LRRC63: variants seen among roughly 807,000 people sequenced by gnomAD.
The protein encoded by LRRC63 is leucine-rich repeat-containing protein 63.
In LRRC63, 40 loss-of-function variants were observed where a neutral mutation model predicts 49.5. The observed-to-expected ratio is 0.81, with a 90% CI of 0.63 to 1.05. LRRC63 has a LOEUF of 1.05. Among genes scored for constraint, LRRC63 ranks in the 50% least tolerant of loss-of-function variants. The probability of loss-of-function intolerance (pLI) is 0.00; values close to 1 mark genes in which losing one functional copy is unlikely to be tolerated. For synonymous variants in LRRC63, 191 were observed against 221.1 expected (o/e 0.86, Z 1.21); for missense variants, 636 against 663.1 (o/e 0.96, Z 0.45).
chr13:46,249,099 T>C (rs1197109922), intron 6 of LRRC63, among the ~76,000 whole-genome samples: 1 of 151,562 alleles, frequency 6.6e-6, no homozygotes, highest in African/African-American at 2.4e-5. Flanking sequence ...TAAATGAAAA[T>C]GAAAACACAA....
chr13:46,268,716 G>A (rs566741593), intron 9 of LRRC63, among the ~76,000 whole-genome samples: 5 of 151,690 alleles, frequency 3.3e-5, no homozygotes, highest in Admixed American at 3.3e-4. Context: ...AAGTTGCAAA[G>A]GATGTACATC....
At position 46,255,305 on chromosome 13, in the gene LRRC63, A is replaced by G. The variant is rs140643457; in HGVS notation, c.1226+4814A>G. On this transcript the variant is annotated intron_variant, in intron 7 of 9. Coordinates refer to ENST00000595396, the Ensembl canonical transcript of LRRC63. ...AATTGGGAGTAGCTGTTCAATGGAT[A>G]TAGAGTTTCTGTTTGGGATGATGGG... Among the ~76,000 whole-genome samples, 111 of 152,226 alleles carry G rather than the reference A, an allele frequency of 7.3e-4. 3 individuals carry two copies. Among genetic ancestry groups the G allele is most frequent in the African/African-American group, 2.4e-3 (100 of 41,536 alleles).
chr13:46,230,311 G>T (rs2046710524), intron 4 of LRRC63, among the ~76,000 whole-genome samples: 2 of 152,144 alleles, frequency 1.3e-5, no homozygotes, highest in African/African-American at 4.8e-5. Context: ...TATTAGTTTG[G>T]GTTCTCTAGA....
At chr13:46,269,600 G>A (rs181368632) in intron 9 of LRRC63, among the ~76,000 whole-genome samples, 180 of 151,920 alleles carry the variant, frequency 1.2e-3, no homozygotes, top group African/African-American at 4.1e-3. Context: ...AGTGTAGAAG[G>A]CTCTCTGTAT....
chr13:46,266,983 G>T lies in LRRC63; in HGVS notation c.1550+11G>T. 1 of 1,514,068 alleles carries T rather than the reference G, an allele frequency of 6.6e-7. No individual in the cohort carries two copies. 93.8% of individuals were successfully genotyped at this position (1,514,068 alleles called of 1,614,324 possible). ...GAAGTTACTAAAATGGTGAGCAAAT[G>T]CTGAAGCCCTTTTAACCAAAATATA... On this transcript the variant is annotated intron_variant, in intron 9 of 9. Coordinates refer to ENST00000595396, the Ensembl canonical transcript of LRRC63.
intron 8 of LRRC63, among the ~76,000 whole-genome samples, chr13:46,263,130 A>AT (rs953357587): frequency 2.0e-5 from 3 of 151,492 alleles, no homozygotes; most frequent in African/African-American, 2.4e-5. Context: ...TTTCCTACCT[A>AT]TTTTTTTAAG....
intron 4 of LRRC63, 47 bp from the exon 5 acceptor site, chr13:46,234,145 T>C (rs1264548008): frequency 6.8e-7 from 1 of 1,479,528 alleles, no homozygotes; most frequent in Non-Finnish European, 9.2e-7. Flanking sequence ...TCATTCTAAG[T>C]GATAACACAT....
chr13:46,231,622 G>T, intron 4 of LRRC63, among the ~76,000 whole-genome samples: 1 of 151,906 alleles, frequency 6.6e-6, no homozygotes. Flanking sequence ...TGATTCTCCT[G>T]CCTCAGCCTC....
exon 3 of LRRC63, chr13:46,227,734 C>G: frequency 6.4e-7 from 1 of 1,550,518 alleles, no homozygotes; most frequent in Non-Finnish European, 8.7e-7. Context: ...ATTCCAGATA[C>G]TGCTACTGGT....
intron 7 of LRRC63, among the ~76,000 whole-genome samples, chr13:46,252,901 G>A (rs1361501430): frequency 6.6e-6 from 1 of 152,056 alleles, no homozygotes; most frequent in Non-Finnish European, 1.5e-5. Context: ...GAAGCCTTAT[G>A]AGCTAAGGTA....
chr13:46,251,988 G>T (rs1201037827), intron 7 of LRRC63, among the ~76,000 whole-genome samples: 1 of 151,832 alleles, frequency 6.6e-6, no homozygotes, highest in African/African-American at 2.4e-5. Context: ...AACTATTAGT[G>T]TTTCTGAAAT....
intron 5 of LRRC63, among the ~76,000 whole-genome samples, chr13:46,245,437 A>G (rs1368881233): frequency 3.9e-5 from 6 of 152,164 alleles, no homozygotes; most frequent in Non-Finnish European, 5.9e-5. Context: ...AACAATTTCA[A>G]GATAGAACAT....
chr13:46,272,356 A>G (rs73188843), intron 9 of LRRC63, among the ~76,000 whole-genome samples: 44,953 of 152,160 alleles, frequency 0.3, 7,040 homozygotes, highest in East Asian at 0.39. Flanking sequence ...GAAATTCATG[A>G]ATGACGATAT....
intron 7 of LRRC63, among the ~76,000 whole-genome samples, chr13:46,258,063 A>G (rs1332398529): frequency 6.6e-6 from 1 of 151,354 alleles, no homozygotes; most frequent in African/African-American, 2.4e-5. Flanking sequence ...AAAGCAAGAC[A>G]CTTTCAGAGG....
At chr13:46,221,486 C>T (rs183545832) in intron 2 of LRRC63, among the ~76,000 whole-genome samples, 277 of 152,210 alleles carry the variant, frequency 1.8e-3, no homozygotes, top group Non-Finnish European at 1.8e-3. Flanking sequence ...GATAATTCAG[C>T]GAAAACATGG....
chr13:46,250,229 T>C lies in LRRC63; in HGVS notation c.1090-126T>C, dbSNP rs113087710. 1.6e-3 allele frequency: 1,324 copies of C among 814,390 alleles called. 13 individuals carry two copies. The African/African-American group carries it at 0.02, about 12-fold the overall frequency. The allele number at this position is 814,390 out of a possible 1,614,324, so 50.4% of individuals were successfully genotyped here. On this transcript the variant is annotated intron_variant, in intron 6 of 9. Transcript: ENST00000595396. ...GACCGAGGGTGTTTACTGAGTTACATGATATAGCCAATTAATGTTGCTATA... is the reference window on the plus strand; with the variant it reads ...GACCGAGGGTGTTTACTGAGTTACACGATATAGCCAATTAATGTTGCTATA...
intron 9 of LRRC63, chr13:46,270,274 T>C: frequency 1.2e-6 from 1 of 861,162 alleles, no homozygotes. Flanking sequence ...TTAAAAGCAT[T>C]CCCTGTCAGA....
intron 7 of LRRC63, among the ~76,000 whole-genome samples, chr13:46,252,276 A>T (rs1020224592): frequency 6.6e-6 from 1 of 152,028 alleles, no homozygotes; most frequent in Non-Finnish European, 1.5e-5. Flanking sequence ...CTGAGCAAAG[A>T]AGACCTCACG....
At chr13:46,267,300 A>T (rs1347781863) in intron 9 of LRRC63, among the ~76,000 whole-genome samples, 1 of 152,218 alleles carries the variant, frequency 6.6e-6, no homozygotes. Flanking sequence ...TTGGCTCCAG[A>T]CACACTATTC....
Sources: gnomAD v4.1 joint callset for allele counts (sites outside exome capture counted in the v4.1 genomes callset) on GRCh38, gnomAD v4.1.1 for gene constraint, MANE v1.5 for transcripts, NCBI Gene and HGNC (gene_info 2026-07-23, HGNC 2026-07-21) for gene names.